SLC38A12: variants seen among roughly 807,000 people sequenced by gnomAD.
SLC38A12 encodes the protein putative sodium-coupled neutral amino acid transporter 12.
the SLC38A12 span, among the ~76,000 whole-genome samples, chr17:74,814,480 G>A: frequency 6.6e-6 from 1 of 152,226 alleles, no homozygotes; most frequent in African/African-American, 2.4e-5. Context: ...AAGCCAGTGG[G>A]TAAACTCAGA....
At chr17:74,837,435 C>A in the SLC38A12 span, 1 of 985,422 alleles carries the variant, frequency 1.0e-6, no homozygotes, top group Non-Finnish European at 1.2e-6. Context: ...TGAAAGGGAC[C>A]GTCTGCTGCC....
chr17:74,819,923 GC>G, the SLC38A12 span: 5 of 1,309,828 alleles, frequency 3.8e-6, no homozygotes, highest in East Asian at 2.3e-5. Context: ...GCCGTGCAGG[GC>G]CCCCAGCCGT....
the SLC38A12 span, among the ~76,000 whole-genome samples, chr17:74,812,856 G>T: frequency 6.6e-6 from 1 of 152,220 alleles, no homozygotes; most frequent in Admixed American, 6.5e-5. Flanking sequence ...AGAAGGCTCA[G>T]AGTGGACCTG....
At chr17:74,788,169 C>T in the SLC38A12 span, among the ~76,000 whole-genome samples, 1 of 152,176 alleles carries the variant, frequency 6.6e-6, no homozygotes, top group Non-Finnish European at 1.5e-5. Flanking sequence ...TCTAATGCCA[C>T]CTCCCAATCT....
chr17:74,792,893 G>A, the SLC38A12 span, among the ~76,000 whole-genome samples: 11 of 152,206 alleles, frequency 7.2e-5, no homozygotes, highest in Non-Finnish European at 1.3e-4. Flanking sequence ...TCACCAGCCT[G>A]AGCAAGCATA....
chr17:74,787,484 C>T, the SLC38A12 span, among the ~76,000 whole-genome samples: 1 of 151,568 alleles, frequency 6.6e-6, no homozygotes, highest in Non-Finnish European at 1.5e-5. Flanking sequence ...TAGCCGGGCG[C>T]GGTGGCGGGT....
chr17:74,794,971 T>A, the SLC38A12 span: 1 of 1,513,676 alleles, frequency 6.6e-7, no homozygotes, highest in Non-Finnish European at 9.1e-7. Flanking sequence ...CATGCAGACA[T>A]CTCTTTGTGG....
chr17:74,792,492 G>T, the SLC38A12 span, among the ~76,000 whole-genome samples: 2 of 152,008 alleles, frequency 1.3e-5, no homozygotes, highest in Non-Finnish European at 2.9e-5. Flanking sequence ...AGTTTTTAAT[G>T]CCCAGACCTG....
the SLC38A12 span, among the ~76,000 whole-genome samples, chr17:74,825,778 T>TG: frequency 6.6e-6 from 1 of 152,336 alleles, no homozygotes; most frequent in African/African-American, 2.4e-5. Flanking sequence ...ACGATGGTGA[T>TG]GGTCATGGCC....
the SLC38A12 span, chr17:74,839,195 T>TA: frequency 8.1e-6 from 12 of 1,483,358 alleles, no homozygotes; most frequent in African/African-American, 1.7e-4. Flanking sequence ...TGGCAGGTGA[T>TA]AGACTGGGAA....
At chr17:74,778,043 TC>T in the SLC38A12 span, among the ~76,000 whole-genome samples, 365 of 152,268 alleles carry the variant, frequency 2.4e-3, 1 homozygote, top group Middle Eastern at 0.01. Context: ...ACCGCTTTGG[TC>T]TTTACTGAAT....
the SLC38A12 span, among the ~76,000 whole-genome samples, chr17:74,809,997 G>A: frequency 1.3e-5 from 2 of 152,166 alleles, no homozygotes; most frequent in South Asian, 2.1e-4. Flanking sequence ...CTCCTGCTGC[G>A]AGGATTTGGT....
At chr17:74,795,143 T>C in the SLC38A12 span, 1 of 1,582,522 alleles carries the variant, frequency 6.3e-7, no homozygotes, top group South Asian at 1.1e-5. Flanking sequence ...AGGTTGGCGG[T>C]AGCCAAAGGG....
the SLC38A12 span, among the ~76,000 whole-genome samples, chr17:74,794,783 T>C: frequency 2.0e-5 from 3 of 152,172 alleles, no homozygotes; most frequent in South Asian, 6.2e-4. Flanking sequence ...TTGAGTCCTC[T>C]CAGGTGAAAG....
chr17:74,826,045 G>A, the SLC38A12 span, among the ~76,000 whole-genome samples: 1 of 152,198 alleles, frequency 6.6e-6, no homozygotes, highest in Non-Finnish European at 1.5e-5. Flanking sequence ...AGGTGACAGC[G>A]CCTGAAATTT....
the SLC38A12 span, chr17:74,837,932 A>G: frequency 1 from 985,980 of 985,982 alleles, 492,989 homozygotes; most frequent in Middle Eastern, 1. Context: ...GCCTGGAGCT[A>G]CCTCTCTGGG....
chr17:74,812,843 G>A, the SLC38A12 span, among the ~76,000 whole-genome samples: 13 of 152,316 alleles, frequency 8.5e-5, no homozygotes, highest in African/African-American at 3.1e-4. Context: ...CAGCCCTGGA[G>A]TGAGAAGGCT....
At chr17:74,782,912 C>G in the SLC38A12 span, among the ~76,000 whole-genome samples, 1 of 152,178 alleles carries the variant, frequency 6.6e-6, no homozygotes, top group Non-Finnish European at 1.5e-5. Context: ...GGTGGATCAT[C>G]TGAGGTCAGG....
the SLC38A12 span, among the ~76,000 whole-genome samples, chr17:74,797,235 C>T: frequency 6.6e-6 from 1 of 152,220 alleles, no homozygotes; most frequent in East Asian, 1.9e-4. Flanking sequence ...TCCTATAAAC[C>T]TTCCACATGA....
Sources: allele counts gnomAD v4.1 joint callset (sites outside exome capture counted in the v4.1 genomes callset), GRCh38; gene constraint gnomAD v4.1.1; transcripts MANE v1.5; gene names NCBI Gene and HGNC (gene_info 2026-07-23, HGNC 2026-07-21).